Variants in SMURF1 observed in about 807,000 individuals in gnomAD.
The protein encoded by SMURF1 is E3 ubiquitin-protein ligase SMURF1.
In SMURF1, 44 loss-of-function variants were observed where a neutral mutation model predicts 98.0. The observed-to-expected ratio is 0.45, with a 90% confidence interval of 0.35 to 0.58. The LOEUF is 0.58. Among genes scored for constraint, SMURF1 ranks in the 20% least tolerant of loss-of-function variants. SMURF1 has a pLI of 0.00. For synonymous variants in SMURF1, 396 were observed against 374.9 expected, an observed-to-expected ratio of 1.06 and a Z score of -0.65; for missense variants, 687 against 938.4, an observed-to-expected ratio of 0.73 and a Z score of 3.50.
chr7:99,035,990 C>T (rs906339652), intron 15 of SMURF1: 2 of 466,344 alleles, frequency 4.3e-6, no homozygotes, highest in African/African-American at 2.0e-5. Context: ...GGGGTTTTTG[C>T]TCTGCATCGG....
intron 14 of SMURF1, 139 bp from the exon 15 acceptor site, chr7:99,037,326 C>T: frequency 9.5e-7 from 1 of 1,049,588 alleles, no homozygotes; most frequent in East Asian, 2.4e-5. Context: ...CAACCTCAGC[C>T]TCCTGGGTTC....
intron 9 of SMURF1, 199 bp downstream of exon 9, chr7:99,049,364 A>G (rs1795683626): frequency 1.7e-6 from 1 of 578,050 alleles, no homozygotes; most frequent in Non-Finnish European, 3.0e-6. Flanking sequence ...AAGGGTAGCA[A>G]CAACATAGGG....
rs1208787417 is a variant in SMURF1 at position 99,052,326 on chromosome 7, G to C, written c.600C>G (p.Ser200=). Residue 200 remains serine (S), a synonymous_variant, in exon 7 of 18, where the codon TCC becomes TCG. Coordinates refer to ENST00000361368, the MANE Select transcript of SMURF1 (RefSeq NM_181349.3). ...CCTGAAGTCTTTGATCTTGACTTGG[G>C]GACTCCACGAACCTGCAATTCCCTC... is the stretch of plus-strand genomic sequence containing the variant. ...AGGGNCRFVE[S]PSQDQRLQAQ... is the part of the protein sequence containing the mutation. 1 of 1,612,762 alleles carries C rather than the reference G, an allele frequency of 6.2e-7. No individual in the cohort carries two copies. The highest frequency in any genetic ancestry group is 1.1e-5 in the South Asian group (1 of 90,494).
At chr7:99,138,413 TTTC>T (rs148002354) in intron 1 of SMURF1, among the ~76,000 whole-genome samples, 5,357 of 152,338 alleles carry the variant, frequency 0.035, 167 homozygotes, top group East Asian at 0.17. Context: ...TCTTTTTTTC[TTTC>T]TTAATCCATG....
chr7:99,057,665 T>C (rs781154944), intron 3 of SMURF1, 114 bp from the exon 4 acceptor site: 1 of 1,269,752 alleles, frequency 7.9e-7, no homozygotes, highest in Non-Finnish European at 1.0e-6. Flanking sequence ...AGTGCAGTTG[T>C]GTGATCTCAG....
rs200256471 is a variant in SMURF1 at position 99,051,347 on chromosome 7, G to A, written c.806+10C>T. 1,608 of 1,611,536 alleles carry A rather than the reference G, an allele frequency of 1.0e-3. 10 individuals are homozygous for A. The Middle Eastern group carries it at 0.015, about 15-fold the overall frequency. On this transcript the variant is annotated intron_variant, in intron 8 of 17. Transcript: ENST00000361368. ...AGACAGCTGGGGGGTGTCCATTTCA[G>A]GAGGCTTACCTTGGTATCCTGGGGT...
At chr7:99,102,477 A>G (rs1282012790) in intron 1 of SMURF1, among the ~76,000 whole-genome samples, 2 of 152,224 alleles carry the variant, frequency 1.3e-5, no homozygotes, top group Non-Finnish European at 2.9e-5. Context: ...CTGTTTAAAA[A>G]AACTTACAGA....
Position 99,042,175 on chromosome 7 carries a change from C to T in SMURF1, c.1314G>A (p.Gln438=). The change falls in exon 12 of 18, where the codon CAG becomes CAA. Residue 438 remains glutamine (Q), a synonymous_variant. Transcript: ENST00000361368. ...ACATGTAAATATTGTCCGTAGAATACTGGAAGAGCCCGTAATAAGGATTCA... is the reference window on the plus strand; with the variant it reads ...ACATGTAAATATTGTCCGTAGAATATTGGAAGAGCCCGTAATAAGGATTCA... ...EMLNPYYGLF[Q]YSTDNIYMLQ... is the part of the protein sequence containing the mutation. 6.2e-7 allele frequency: 1 copy of T among 1,614,090 alleles called. No homozygotes were observed. Among genetic ancestry groups the T allele is most frequent in the East Asian group, 2.2e-5 (1 of 44,880 alleles).
chr7:99,125,565 C>A (rs189370815), intron 1 of SMURF1, among the ~76,000 whole-genome samples: 1 of 152,206 alleles, frequency 6.6e-6, no homozygotes, highest in South Asian at 2.1e-4. Flanking sequence ...CATTAGGTGT[C>A]GCTCTGTGTC....
At chr7:99,047,601 A>G in intron 10 of SMURF1, 83 bp downstream of exon 10, 1 of 1,437,892 alleles carries the variant, frequency 7.0e-7, no homozygotes, top group Non-Finnish European at 9.7e-7. Context: ...AGCCCTTGAA[A>G]ACAATCGCAT....
At chr7:99,033,489 G>C (rs912090186) in intron 16 of SMURF1, among the ~76,000 whole-genome samples, 4 of 152,216 alleles carry the variant, frequency 2.6e-5, no homozygotes, top group Non-Finnish European at 5.9e-5. Flanking sequence ...ATTTTTAGTA[G>C]AGACGGGGTT....
chr7:99,041,140 G>A (rs796798586), intron 12 of SMURF1, among the ~76,000 whole-genome samples: 16 of 152,294 alleles, frequency 1.1e-4, no homozygotes, highest in African/African-American at 3.4e-4. Flanking sequence ...GGTTGCTCAC[G>A]CCTGTAATCT....
intron 1 of SMURF1, 117 bp downstream of exon 1, chr7:99,143,609 C>A: frequency 1.2e-6 from 1 of 804,514 alleles, no homozygotes; most frequent in Non-Finnish European, 1.8e-6. Flanking sequence ...AAGGGGGTGA[C>A]GAGGTCCTGG....
At chr7:99,068,115 C>T (rs911048204) in intron 1 of SMURF1, among the ~76,000 whole-genome samples, 1 of 152,148 alleles carries the variant, frequency 6.6e-6, no homozygotes, top group Non-Finnish European at 1.5e-5. Context: ...TTATTCCTCT[C>T]TTCTTCTTAT....
intron 1 of SMURF1, among the ~76,000 whole-genome samples, chr7:99,135,840 T>C (rs1022198780): frequency 6.6e-6 from 1 of 152,232 alleles, no homozygotes; most frequent in African/African-American, 2.4e-5. Flanking sequence ...ACCTACTCTA[T>C]CAATTTATAT....
chr7:99,103,897 T>C (rs7798158), intron 1 of SMURF1, among the ~76,000 whole-genome samples: 111,882 of 149,376 alleles, frequency 0.75, 44,669 homozygotes, highest in South Asian at 0.92. Flanking sequence ...CACAACTTTT[T>C]TTTTTTTTTT....
Position 99,030,444 on chromosome 7 carries a change from A to C in SMURF1, c.*140T>G. 1.4e-6 allele frequency: 1 copy of C among 716,844 alleles called. No individual in the cohort carries two copies. The highest frequency in any genetic ancestry group is 1.8e-5 in the South Asian group (1 of 56,970). The allele number at this position is 716,844 out of a possible 1,614,324, so 44.4% of individuals were successfully genotyped here. ...AAAAGTCCCCCATCCCCCTCCCCCA[A>C]CAGAAAGGAGAGAGACAACCCTTTC... On this transcript the variant is annotated 3_prime_UTR_variant, in exon 18 of 18. Transcript: ENST00000361368.
At chr7:99,125,398 C>CTGTTTT (rs112892556) in intron 1 of SMURF1, among the ~76,000 whole-genome samples, 1 of 152,084 alleles carries the variant, frequency 6.6e-6, no homozygotes, top group African/African-American at 2.4e-5. Context: ...ATAAATGTTT[C>CTGTTTT]TGTTTTTGTT....
intron 7 of SMURF1, 86 bp from the exon 8 acceptor site, chr7:99,051,527 A>G (rs1795752326): frequency 9.8e-6 from 10 of 1,022,168 alleles, no homozygotes; most frequent in Non-Finnish European, 1.6e-5. Context: ...CACGTCTGGT[A>G]TTATCTAAAT....
Sources: gnomAD v4.1 joint callset for allele counts (sites outside exome capture counted in the v4.1 genomes callset) on GRCh38, gnomAD v4.1.1 for gene constraint, MANE v1.5 for transcripts, NCBI Gene and HGNC (gene_info 2026-07-23, HGNC 2026-07-21) for gene names.